LAMC2: variants seen among roughly 807,000 people sequenced by gnomAD.
LAMC2 encodes laminin subunit gamma 2.
LAMC2 carries 97 observed loss-of-function variants against 140.2 expected under a neutral mutation model. The observed-to-expected ratio is 0.69, with a 90% CI of 0.59 to 0.82. The LOEUF (loss-of-function observed/expected upper bound fraction) is 0.82. Ranked by LOEUF, LAMC2 falls within the 40% of genes least tolerant of loss-of-function variation. LAMC2 has a pLI of 0.00. For missense variants in LAMC2, 1,402 were observed against 1,476.1 expected (o/e 0.95, Z 0.82); for synonymous variants, 513 against 540.2 (o/e 0.95, Z 0.70).
At chr1:183,231,449 A>G (rs935649753) in intron 12 of LAMC2, among the ~76,000 whole-genome samples, 1 of 152,240 alleles carries the variant, frequency 6.6e-6, no homozygotes, top group South Asian at 2.1e-4. Flanking sequence ...TGATATGGGT[A>G]GGTGGAACTG....
intron 2 of LAMC2, among the ~76,000 whole-genome samples, chr1:183,213,446 CAT>C (rs1162962310): frequency 6.6e-6 from 1 of 152,266 alleles, no homozygotes; most frequent in East Asian, 1.9e-4. Flanking sequence ...AAAAAACAAA[CAT>C]GTAGCGACTG....
chr1:183,240,321 C>T lies in LAMC2; in HGVS notation c.3258C>T (p.Thr1086=), dbSNP rs1451369667. ...TTACAGAAGCCCAGAAGGTTGATAC[C>T]AGAGCCAAGAACGCTGGGGTTACAA... ...MVITEAQKVD[T]RAKNAGVTIQ... Residue 1086 remains threonine (T), a synonymous_variant, in exon 22 of 23, where the codon ACC becomes ACT. Transcript: ENST00000264144. 6.2e-7 allele frequency: 1 copy of T among 1,614,144 alleles called. No individual in the cohort carries two copies. Among genetic ancestry groups the T allele is most frequent in the Non-Finnish European group, 8.5e-7 (1 of 1,180,024 alleles).
intron 19 of LAMC2, among the ~76,000 whole-genome samples, chr1:183,238,891 G>A (rs1660045706): frequency 1.3e-5 from 2 of 152,162 alleles, no homozygotes; most frequent in South Asian, 4.1e-4. Context: ...CTAGATCCCA[G>A]GAGATTTAGA....
At chr1:183,204,859 G>T (rs566637223) in intron 1 of LAMC2, among the ~76,000 whole-genome samples, 10 of 150,892 alleles carry the variant, frequency 6.6e-5, no homozygotes, top group African/African-American at 2.4e-4. Context: ...TTTTGCTCTT[G>T]TCACCCACAG....
At chr1:183,252,867 G>T in the LAMC2 span, 1 of 685,416 alleles carries the variant, frequency 1.5e-6, no homozygotes. Context: ...AAATAGTTCT[G>T]TATTAGGAAA....
intron 14 of LAMC2, 55 bp from the exon 15 acceptor site, chr1:183,234,312 G>A: frequency 1.5e-5 from 21 of 1,388,326 alleles, no homozygotes; most frequent in Non-Finnish European, 2.1e-5. Flanking sequence ...TAAGTTCCAT[G>A]GCCAAGTGCA....
the LAMC2 span, among the ~76,000 whole-genome samples, chr1:183,255,810 C>T: frequency 6.6e-6 from 1 of 151,716 alleles, no homozygotes; most frequent in Non-Finnish European, 1.5e-5. Flanking sequence ...ATTACAGGCA[C>T]AAGCCACAAT....
chr1:183,225,043 G>C lies in LAMC2; in HGVS notation c.954-565G>C, dbSNP rs76937834. On this transcript the variant is annotated intron_variant, in intron 7 of 22. Coordinates refer to ENST00000264144, the MANE Select transcript of LAMC2 (RefSeq NM_005562.3). ...CAGTGAATGAAACGAAGGTGGGTAG[G>C]GTTGTTCCTGGATGAGTAAAAAACA... Among the ~76,000 whole-genome samples, 326 of 140,252 alleles carry C rather than the reference G, an allele frequency of 2.3e-3. 6 individuals are homozygous for C. The East Asian group carries it at 0.058, about 25-fold the overall frequency. 92.0% of individuals were successfully genotyped at this position (140,252 alleles called of 152,430 possible).
rs1218562622 is a variant in LAMC2, at chr1:183,228,815, T to A, written c.1714+196T>A. On this transcript the variant is annotated intron_variant, in intron 11 of 22. Coordinates refer to ENST00000264144, the MANE Select transcript of LAMC2 (RefSeq NM_005562.3). The surrounding 1 kb of genome is among the most constrained non-coding windows in gnomAD (Gnocchi z 4.3). ...ACAGGTTTACCCTGTAGCCAGGCTC[T>A]GGAAGACAGAGCTGGGTTAAAGCTG... Among the ~76,000 whole-genome samples the A allele has an allele frequency of 2.0e-5, 3 of 152,184 alleles. No homozygotes were observed. The highest frequency in any genetic ancestry group is 4.1e-4 in the South Asian group (2 of 4,830).
At chr1:183,208,171 A>G in intron 2 of LAMC2, 102 bp downstream of exon 2, 8 of 1,129,692 alleles carry the variant, frequency 7.1e-6, no homozygotes, top group Non-Finnish European at 1.1e-5. Flanking sequence ...ACAACGGAGG[A>G]AAAAGAAAGA....
chr1:183,189,875 C>T (rs16860461), intron 1 of LAMC2, among the ~76,000 whole-genome samples: 5,949 of 152,246 alleles, frequency 0.039, 155 homozygotes, highest in South Asian at 0.11. Flanking sequence ...TCTTCCAGAA[C>T]GGCGAATTCA....
chr1:183,213,240 A>G (rs1203392720), intron 2 of LAMC2, among the ~76,000 whole-genome samples: 3 of 152,256 alleles, frequency 2.0e-5, no homozygotes, highest in African/African-American at 4.8e-5. Flanking sequence ...AATGTCATTT[A>G]TGCTATTATC....
chr1:183,208,299 G>A (rs969441123), intron 2 of LAMC2, among the ~76,000 whole-genome samples: 2 of 152,206 alleles, frequency 1.3e-5, no homozygotes, highest in African/African-American at 2.4e-5. Context: ...TTTCTCTTAA[G>A]TAGGGGTTGG....
chr1:183,222,772 A>C (rs993109402), intron 6 of LAMC2, among the ~76,000 whole-genome samples: 1 of 152,362 alleles, frequency 6.6e-6, no homozygotes, highest in East Asian at 1.9e-4. Flanking sequence ...AATTATTGCC[A>C]GCAAATGTGA....
chr1:183,197,893 G>A (rs189913953), intron 1 of LAMC2, among the ~76,000 whole-genome samples: 16 of 147,322 alleles, frequency 1.1e-4, no homozygotes, highest in Non-Finnish European at 2.1e-4. Flanking sequence ...GAGGAGCACC[G>A]ACATTTAGAG....
rs575787935 is a variant in LAMC2 at position 183,235,700 on chromosome 1, A to G, written c.2426A>G (p.Asp809Gly). 8 of 1,614,198 alleles carry G rather than the reference A, an allele frequency of 5.0e-6. No individual in the cohort carries two copies. Among genetic ancestry groups the G allele is most frequent in the African/African-American group, 1.3e-5 (1 of 75,056 alleles). The part of the protein sequence containing the change: ...EGVGSGSGSP[D>G]GAVVQGLVEK... Reference sequence around the variant, plus strand: ...GTCGGAAGCGGAAGCGGTAGCCCGGACGGTGCTGTGGTGCAAGGGCTTGTG... The same window carrying G: ...GTCGGAAGCGGAAGCGGTAGCCCGGGCGGTGCTGTGGTGCAAGGGCTTGTG... The change falls in exon 16 of 23, where the codon GAC becomes GGC. Residue 809 changes from aspartate (D) to glycine (G), a missense_variant. Asp to Gly is a moderately conservative substitution (Grantham distance 94). Around this residue, in one of 3 missense-constraint regions of LAMC2, gnomAD observed 670 missense variants for 667.2 expected, o/e 1.00. Transcript: ENST00000264144.
At chr1:183,227,407 G>A in intron 9 of LAMC2, 108 bp from the exon 10 acceptor site, 1 of 1,101,804 alleles carries the variant, frequency 9.1e-7, no homozygotes, top group Non-Finnish European at 1.4e-6. Context: ...TTTGGGGAAG[G>A]CTTCAGAAAG....
chr1:183,230,465 G>A (rs538601952), intron 11 of LAMC2, among the ~76,000 whole-genome samples: 15 of 152,264 alleles, frequency 9.9e-5, no homozygotes, highest in South Asian at 2.1e-4. Flanking sequence ...ATGAGTAAAG[G>A]TATTGCTTTC....
intron 9 of LAMC2, 133 bp from the exon 10 acceptor site, chr1:183,227,382 C>T: frequency 2.3e-6 from 2 of 879,302 alleles, no homozygotes; most frequent in Non-Finnish European, 3.8e-6. Context: ...GGGGTGAATG[C>T]CAGTGCTCAG....
Sources: allele counts gnomAD v4.1 joint callset (sites outside exome capture counted in the v4.1 genomes callset), GRCh38; gene constraint gnomAD v4.1.1; regional missense constraint gnomAD v4.1.1; non-coding constraint Gnocchi (gnomAD v3.1); transcripts MANE v1.5; gene names NCBI Gene and HGNC (gene_info 2026-07-23, HGNC 2026-07-21).